Variants in TVP23C observed in about 807,000 individuals in gnomAD.
TVP23C encodes the protein trans-golgi network vesicle protein 23 homolog C, also known as Golgi apparatus membrane protein TVP23 homolog C.
Under a neutral mutation model 28.7 loss-of-function variants are expected in TVP23C, and 19 were observed. The observed-to-expected ratio is 0.66, with a 90% CI of 0.46 to 0.97. The LOEUF (loss-of-function observed/expected upper bound fraction) is 0.97, where lower values mean the gene tolerates loss of function less well. Among genes scored for constraint, TVP23C ranks in the 50% least tolerant of loss-of-function variants. TVP23C has a pLI of 0.00. For synonymous variants in TVP23C, 68 were observed against 81.7 expected (o/e 0.83, Z 0.90); for missense variants, 186 against 241.3 (o/e 0.77, Z 1.52).
At chr17:15,527,996 T>C (rs1009346347) in intron 5 of TVP23C, among the ~76,000 whole-genome samples, 1 of 152,236 alleles carries the variant, frequency 6.6e-6, no homozygotes, top group Non-Finnish European at 1.5e-5. Flanking sequence ...ACATTAGTGG[T>C]ATCTTTTCTT....
intron 5 of TVP23C, among the ~76,000 whole-genome samples, chr17:15,509,360 C>T (rs1597503340): frequency 6.6e-6 from 1 of 152,212 alleles, no homozygotes; most frequent in Non-Finnish European, 1.5e-5. Context: ...ACAGGATGCA[C>T]TTGGGAGGCC....
At chr17:15,544,662 A>C (rs1463318740) in intron 5 of TVP23C, among the ~76,000 whole-genome samples, 1 of 152,150 alleles carries the variant, frequency 6.6e-6, no homozygotes, top group East Asian at 1.9e-4. Flanking sequence ...CCCATTTTCC[A>C]GAGCAGGAAC....
At chr17:15,525,522 T>A (rs1487480603) in intron 5 of TVP23C, among the ~76,000 whole-genome samples, 2 of 152,252 alleles carry the variant, frequency 1.3e-5, no homozygotes, top group Non-Finnish European at 2.9e-5. Context: ...AACTAAGATT[T>A]TCCTGAGGAA....
At chr17:15,521,630 T>C (rs1227013865) in intron 5 of TVP23C, among the ~76,000 whole-genome samples, 2 of 152,222 alleles carry the variant, frequency 1.3e-5, no homozygotes, top group Non-Finnish European at 2.9e-5. Flanking sequence ...TAGAGAAACT[T>C]AGTTTATGAT....
At chr17:15,518,892 G>C (rs188717044) in intron 5 of TVP23C, among the ~76,000 whole-genome samples, 1 of 152,304 alleles carries the variant, frequency 6.6e-6, no homozygotes, top group Non-Finnish European at 1.5e-5. Context: ...GTGTCGAGGG[G>C]GGACCTGGTG....
chr17:15,535,861 T>C (rs1473497328), downstream of TVP23C, among the ~76,000 whole-genome samples: 1 of 152,164 alleles, frequency 6.6e-6, no homozygotes, highest in African/African-American at 2.4e-5. Flanking sequence ...ACATTAACAC[T>C]TGAAGAAGGT....
At chr17:15,523,559 T>C (rs905773141) in intron 5 of TVP23C, among the ~76,000 whole-genome samples, 2 of 151,738 alleles carry the variant, frequency 1.3e-5, no homozygotes, top group African/African-American at 4.8e-5. Context: ...TCCACCCCCT[T>C]TGGCCTCCCA....
chr17:15,518,682 A>G (rs994243996), intron 5 of TVP23C, among the ~76,000 whole-genome samples: 1 of 152,150 alleles, frequency 6.6e-6, no homozygotes, highest in African/African-American at 2.4e-5. Flanking sequence ...CATGGCTAAG[A>G]CTGGGCTCAG....
chr17:15,511,626 T>G (rs1982009470), intron 5 of TVP23C, among the ~76,000 whole-genome samples: 1 of 152,222 alleles, frequency 6.6e-6, no homozygotes, highest in African/African-American at 2.4e-5. Context: ...CAGTTTTTTT[T>G]GTTCTAATCC....
At position 15,539,228 on chromosome 17, in the gene TVP23C, A is replaced by G; in HGVS notation, c.*1184T>C. ...TGTGCCCTCTAGGTGATTCTCATGT[A>G]TGTTCGAGTTTAAGAATCCCTGTCC... is the stretch of plus-strand genomic sequence containing the variant. On this transcript the variant is annotated 3_prime_UTR_variant, in exon 6 of 6. Transcript: ENST00000518321. 1 of 982,828 alleles carries G rather than the reference A, an allele frequency of 1.0e-6. No individual in the cohort carries two copies. Among genetic ancestry groups the G allele is most frequent in the Non-Finnish European group, 1.2e-6 (1 of 827,634 alleles). 60.9% of individuals were successfully genotyped at this position (982,828 alleles called of 1,614,324 possible).
At chr17:15,562,032 T>C (rs1414585412) in intron 1 of TVP23C, among the ~76,000 whole-genome samples, 3 of 152,334 alleles carry the variant, frequency 2.0e-5, no homozygotes, top group African/African-American at 7.2e-5. Flanking sequence ...TTACTCTCTA[T>C]GATCTAAAAG....
At chr17:15,510,168 GT>G (rs1981939434) in intron 5 of TVP23C, among the ~76,000 whole-genome samples, 1 of 152,164 alleles carries the variant, frequency 6.6e-6, no homozygotes, top group South Asian at 2.1e-4. Flanking sequence ...AAATGTTTCT[GT>G]TTGCTTTTTT....
At chr17:15,533,127 T>C (rs954554290), downstream of TVP23C, among the ~76,000 whole-genome samples, 2 of 152,234 alleles carry the variant, frequency 1.3e-5, no homozygotes, top group African/African-American at 4.8e-5. Flanking sequence ...TTAAACATGT[T>C]TTATTATTCT....
At chr17:15,559,230 T>C (rs1201526939) in intron 1 of TVP23C, among the ~76,000 whole-genome samples, 3 of 146,356 alleles carry the variant, frequency 2.0e-5, no homozygotes, top group African/African-American at 7.4e-5. Context: ...ACCCTGCTCT[T>C]TGAAAGACTG....
At chr17:15,526,301 C>T (rs1982724548) in intron 5 of TVP23C, among the ~76,000 whole-genome samples, 1 of 152,112 alleles carries the variant, frequency 6.6e-6, no homozygotes, top group South Asian at 2.1e-4. Flanking sequence ...ATCTTAAATT[C>T]AAGCTCATCA....
At position 15,542,710 on chromosome 17, in the gene TVP23C, C is replaced by T. The variant is rs568273388; in HGVS notation, c.463-2149G>A. ...CAGGATGGTCTCGATCTCCTGACCT[C>T]GTGATCCGCCCGCCTTGGCCCTCCC... On this transcript the variant is annotated intron_variant, in intron 5 of 5. Coordinates refer to ENST00000518321, the MANE Select transcript of TVP23C (RefSeq NM_001135036.2). Among the ~76,000 whole-genome samples the T allele has an allele frequency of 2.0e-4, 30 of 152,212 alleles. 1 individual carries two copies. The highest frequency in any genetic ancestry group is 3.7e-4 in the Non-Finnish European group (25 of 68,006).
intron 5 of TVP23C, among the ~76,000 whole-genome samples, chr17:15,518,881 C>T (rs1453643046): frequency 3.3e-5 from 5 of 152,154 alleles, no homozygotes; most frequent in African/African-American, 9.7e-5. Context: ...GTAATCCCCA[C>T]GTGTCGAGGG....
rs1362680403 is a variant in TVP23C, at chr17:15,539,334, G to A, written c.*1078C>T. 4 of 985,180 alleles carry A rather than the reference G, an allele frequency of 4.1e-6. No individual in the cohort carries two copies. In the South Asian group the frequency reaches 1.4e-4, roughly 35 times the overall value. 61.0% of individuals were successfully genotyped at this position (985,180 alleles called of 1,614,324 possible). On this transcript the variant is annotated 3_prime_UTR_variant, in exon 6 of 6. Transcript: ENST00000518321. Reference sequence around the variant, plus strand: ...TATAAAGACCTAGTCACGGCCAGGCGCCGTGGCTCACGCCTGTAATCCCAG... The same window carrying A: ...TATAAAGACCTAGTCACGGCCAGGCACCGTGGCTCACGCCTGTAATCCCAG...
At chr17:15,518,041 G>A (rs1283691602) in intron 5 of TVP23C, among the ~76,000 whole-genome samples, 5 of 151,788 alleles carry the variant, frequency 3.3e-5, no homozygotes, top group Admixed American at 6.6e-5. Flanking sequence ...GGTGGCACGC[G>A]CCTGTAGTCC....
Sources: gnomAD v4.1 joint callset for allele counts (sites outside exome capture counted in the v4.1 genomes callset) on GRCh38, gnomAD v4.1.1 for gene constraint, MANE v1.5 for transcripts, NCBI Gene and HGNC (gene_info 2026-07-23, HGNC 2026-07-21) for gene names.